Variants in KYNU observed in about 807,000 individuals in gnomAD.
KYNU encodes the protein kynureninase.
A neutral mutation model predicts 59.2 loss-of-function variants in KYNU; 54 were observed. The observed-to-expected ratio is 0.91, with a 90% CI of 0.73 to 1.14. The LOEUF is 1.14. Ranked by LOEUF, KYNU falls within the 50% of genes most tolerant of loss-of-function variation. The pLI, the probability that KYNU is intolerant of heterozygous loss-of-function variation, is 0.00. For synonymous variants in KYNU, 177 were observed against 192.0 expected (o/e 0.92, Z 0.65); for missense variants, 567 against 554.4 (o/e 1.02, Z -0.23).
intron 10 of KYNU, among the ~76,000 whole-genome samples, chr2:143,026,242 G>T (rs1471358951): frequency 6.6e-6 from 1 of 151,982 alleles, no homozygotes; most frequent in Non-Finnish European, 1.5e-5. Context: ...TTTTAAATAG[G>T]ATTTTTATAA....
At position 143,029,633 on chromosome 2, in the gene KYNU, G is replaced by A; in HGVS notation, c.909G>A (p.Val303=). The change falls in exon 11 of 14, where the codon GTG becomes GTA. Residue 303 remains valine, a synonymous_variant. Coordinates refer to ENST00000264170, the MANE Select transcript of KYNU (RefSeq NM_003937.3). ...KHAHTIKPAL[V]GWFGHELSTR... is the part of the protein sequence containing the mutation. ...GTTTTTATTTATATTTTAGATTAGT[G>A]GGATGGTTTGGCCATGAACTCAGCA... 3 of 1,596,836 alleles carry A rather than the reference G, an allele frequency of 1.9e-6. No individual in the cohort carries two copies. The highest frequency in any genetic ancestry group is 2.6e-6 in the Non-Finnish European group (3 of 1,164,298).
intron 1 of KYNU, among the ~76,000 whole-genome samples, chr2:142,883,978 A>T (rs1355308498): frequency 6.6e-6 from 1 of 152,204 alleles, no homozygotes; most frequent in Non-Finnish European, 1.5e-5. Context: ...TGTAAATCTA[A>T]CTAGCCCAAA....
chr2:142,990,312 C>A (rs904549986), intron 10 of KYNU, among the ~76,000 whole-genome samples: 3 of 151,784 alleles, frequency 2.0e-5, no homozygotes, highest in Admixed American at 2.0e-4. Context: ...TGAAATGTTT[C>A]ACTAAAAACA....
intron 12 of KYNU, among the ~76,000 whole-genome samples, chr2:143,035,701 C>T (rs1236986502): frequency 6.6e-6 from 1 of 152,214 alleles, no homozygotes; most frequent in East Asian, 1.9e-4. Flanking sequence ...AAGTGATCCT[C>T]CTGCCCCCAC....
chr2:143,046,259 G>A lies in KYNU; in HGVS notation c.*4087G>A, dbSNP rs771672071. The stretch of plus-strand genomic sequence containing the variant: ...CATAAAAATCTATTAGCTAATTTTG[G>A]TTGTGCATGAATATTGTATCAATGC... On this transcript the variant is annotated 3_prime_UTR_variant, in exon 14 of 14. Transcript: ENST00000264170. 1 of 151,972 alleles carries A rather than the reference G, an allele frequency of 6.6e-6. No homozygotes were observed. The highest frequency in any genetic ancestry group is 2.1e-4 in the South Asian group (1 of 4,832). The allele number at this position is 151,972 out of a possible 1,614,324, so 9.4% of individuals were successfully genotyped here.
intron 4 of KYNU, among the ~76,000 whole-genome samples, chr2:142,946,748 T>G (rs1005244583): frequency 1.3e-5 from 2 of 152,172 alleles, no homozygotes; most frequent in African/African-American, 2.4e-5. Context: ...TTAGCTATGT[T>G]AATCCTGAAT....
chr2:142,939,679 A>G (rs1478199049), intron 4 of KYNU, among the ~76,000 whole-genome samples: 1 of 151,974 alleles, frequency 6.6e-6, no homozygotes. Flanking sequence ...TCTCCGTTCT[A>G]TGACAAATAC....
chr2:142,897,946 G>C (rs776196140), intron 2 of KYNU, among the ~76,000 whole-genome samples: 1 of 151,918 alleles, frequency 6.6e-6, no homozygotes, highest in African/African-American at 2.4e-5. Context: ...TTGTCATCTA[G>C]GCTGGAATGC....
intron 2 of KYNU, among the ~76,000 whole-genome samples, chr2:142,903,813 C>A (rs1257954877): frequency 6.6e-6 from 1 of 152,144 alleles, no homozygotes; most frequent in African/African-American, 2.4e-5. Context: ...AGGGGGGTGG[C>A]TTATTTCTAT....
At chr2:142,921,144 G>C (rs1222466431) in intron 3 of KYNU, among the ~76,000 whole-genome samples, 1 of 152,170 alleles carries the variant, frequency 6.6e-6, no homozygotes, top group Non-Finnish European at 1.5e-5. Flanking sequence ...ATGGGTAAGG[G>C]TTTATATACC....
At chr2:143,029,513 G>A (rs1573914331) in intron 10 of KYNU, 114 bp from the exon 11 acceptor site, 2 of 718,736 alleles carry the variant, frequency 2.8e-6, no homozygotes, top group Admixed American at 1.9e-5. Context: ...TTGAACCCAA[G>A]AGGCAGAGGT....
chr2:142,974,000 A>G (rs1684815003), intron 8 of KYNU, among the ~76,000 whole-genome samples: 1 of 152,216 alleles, frequency 6.6e-6, no homozygotes, highest in Admixed American at 6.6e-5. Flanking sequence ...TGTATGCTCC[A>G]ATTCGTTTAG....
At chr2:142,885,065 A>G (rs1288318054) in intron 1 of KYNU, among the ~76,000 whole-genome samples, 1 of 116,274 alleles carries the variant, frequency 8.6e-6, no homozygotes, top group Non-Finnish European at 1.7e-5. Flanking sequence ...AGGTTTCACC[A>G]TGTTGGCCAG....
intron 4 of KYNU, among the ~76,000 whole-genome samples, chr2:142,943,693 A>C (rs766334159): frequency 1.3e-5 from 2 of 152,192 alleles, no homozygotes; most frequent in South Asian, 2.1e-4. Context: ...TAATGTGAAC[A>C]TAAATTTGCT....
chr2:142,949,933 A>G (rs1683932095), intron 4 of KYNU, among the ~76,000 whole-genome samples: 1 of 152,164 alleles, frequency 6.6e-6, no homozygotes, highest in Admixed American at 6.6e-5. Flanking sequence ...CCCAAGTCAC[A>G]TCTTGAATGC....
At chr2:142,896,972 T>C (rs193158673) in intron 2 of KYNU, among the ~76,000 whole-genome samples, 1 of 152,368 alleles carries the variant, frequency 6.6e-6, no homozygotes, top group East Asian at 1.9e-4. Context: ...TTAGTTACCA[T>C]GTCTAAAACC....
intron 10 of KYNU, chr2:142,989,736 A>T (rs1249973501): frequency 6.5e-6 from 1 of 154,552 alleles, no homozygotes; most frequent in Non-Finnish European, 1.4e-5. Context: ...TGCTTGGTTA[A>T]ACAGAAAGCT....
intron 4 of KYNU, among the ~76,000 whole-genome samples, chr2:142,936,099 A>G (rs780201273): frequency 1.2e-4 from 19 of 152,130 alleles, no homozygotes; most frequent in Non-Finnish European, 2.6e-4. Context: ...ATGAGGAAAA[A>G]GAGGTAGGGT....
At chr2:142,944,906 GT>G (rs947767070) in intron 4 of KYNU, among the ~76,000 whole-genome samples, 9 of 152,138 alleles carry the variant, frequency 5.9e-5, no homozygotes, top group African/African-American at 1.7e-4. Flanking sequence ...CAAAAGTTAT[GT>G]TTACACTATA....
Sources: allele counts gnomAD v4.1 joint callset (sites outside exome capture counted in the v4.1 genomes callset), GRCh38; gene constraint gnomAD v4.1.1; transcripts MANE v1.5; gene names NCBI Gene and HGNC (gene_info 2026-07-23, HGNC 2026-07-21).